EPN2: variants seen among roughly 807,000 people sequenced by gnomAD.
EPN2 encodes the protein epsin 2.
Under a neutral mutation model 61.7 loss-of-function variants are expected in EPN2, and 34 were observed. That is an observed-to-expected ratio of 0.55 (90% CI 0.42 to 0.73). EPN2 has a LOEUF of 0.73. Ranked by LOEUF, EPN2 falls within the 30% of genes least tolerant of loss-of-function variation. The probability of loss-of-function intolerance (pLI) is 0.00; values close to 1 mark genes in which losing one functional copy is unlikely to be tolerated. For synonymous variants in EPN2, 349 were observed against 353.6 expected (o/e 0.99, Z 0.15); for missense variants, 714 against 839.2 (o/e 0.85, Z 1.84).
intron 4 of EPN2, among the ~76,000 whole-genome samples, chr17:19,286,973 A>T (rs2045411393): frequency 6.6e-6 from 1 of 152,178 alleles, no homozygotes; most frequent in African/African-American, 2.4e-5. Flanking sequence ...GGAACTCTCC[A>T]TGGAGTTCCC....
intron 4 of EPN2, among the ~76,000 whole-genome samples, chr17:19,286,430 A>G (rs2045405644): frequency 6.6e-6 from 1 of 152,160 alleles, no homozygotes; most frequent in Non-Finnish European, 1.5e-5. Context: ...CTTTCTACTA[A>G]TTAATAATGT....
intron 1 of EPN2, among the ~76,000 whole-genome samples, chr17:19,252,435 A>T: frequency 6.6e-6 from 1 of 152,168 alleles, no homozygotes; most frequent in East Asian, 1.9e-4. Context: ...AGAAAAATAG[A>T]ATAATTTAGT....
intron 1 of EPN2, among the ~76,000 whole-genome samples, chr17:19,248,621 T>C (rs991327143): frequency 3.3e-5 from 5 of 152,244 alleles, no homozygotes; most frequent in Admixed American, 2.6e-4. Flanking sequence ...TAATATATGG[T>C]ATTTCAGTCA....
intron 1 of EPN2, among the ~76,000 whole-genome samples, chr17:19,244,082 G>A (rs919872255): frequency 7.8e-4 from 119 of 152,338 alleles, no homozygotes; most frequent in African/African-American, 2.7e-3. Flanking sequence ...CTTCAAAAAG[G>A]CTGTAAATCT....
In EPN2 at chr17:19,334,377, T is replaced by G. The variant is rs897587021; in HGVS notation, c.*123T>G. The G allele has an allele frequency of 5.1e-6, 4 of 777,426 alleles. No individual in the cohort carries two copies. In the African/African-American group the frequency reaches 5.4e-5, roughly 10 times the overall value. 48.2% of individuals were successfully genotyped at this position (777,426 alleles called of 1,614,324 possible). A position where few individuals can be genotyped will look rare whatever the true frequency, so the allele number is the denominator to read the frequency against. ...GTATTAGGGCTTTTCAGCTCCAGCT[T>G]CCTGATGAAAGGGCTGTCTTTACAG... On this transcript the variant is annotated 3_prime_UTR_variant, in exon 11 of 11. Transcript: ENST00000314728. This position sits in a 1 kb window ranked among gnomAD's most constrained non-coding sequence, Gnocchi z 4.9.
intron 1 of EPN2, chr17:19,273,919 A>G (rs2045281011): frequency 6.6e-6 from 1 of 152,248 alleles, no homozygotes; most frequent in Non-Finnish European, 1.5e-5. Context: ...AAAAGAATGT[A>G]GCACTGTCCA....
At chr17:19,308,467 A>G (rs1484388588) in intron 4 of EPN2, 3 of 985,370 alleles carry the variant, frequency 3.0e-6, no homozygotes, top group Non-Finnish European at 3.6e-6. Context: ...CTGTGCATGC[A>G]TGTAAGCCTC....
At chr17:19,312,260 A>G in intron 6 of EPN2, 116 bp downstream of exon 6, 1 of 747,248 alleles carries the variant, frequency 1.3e-6, no homozygotes. Context: ...AACCTCAGCA[A>G]ATAACCTTCA....
intron 4 of EPN2, among the ~76,000 whole-genome samples, chr17:19,296,393 C>T (rs1350676563): frequency 6.6e-6 from 1 of 152,040 alleles, no homozygotes; most frequent in African/African-American, 2.4e-5. Context: ...TCAGGTGATC[C>T]ACCCACCTCT....
rs545338946 is a variant in EPN2, at chr17:19,329,474, G to C, written c.1325-87G>C. The stretch of plus-strand genomic sequence containing the variant: ...AAGCGGGGAGAGGCCCCTGTTGCCA[G>C]CCCATCCTGAGGGTGTGCACTGGGC... On this transcript the variant is annotated intron_variant, in intron 8 of 10. Transcript: ENST00000314728. 6.2e-5 allele frequency: 47 copies of C among 757,856 alleles called. 2 individuals carry two copies. The South Asian group carries it at 7.9e-4, about 13-fold the overall frequency. 46.9% of individuals were successfully genotyped at this position (757,856 alleles called of 1,614,324 possible). A position where few individuals can be genotyped will look rare whatever the true frequency, so the allele number is the denominator to read the frequency against.
In EPN2 at chr17:19,336,277, T is replaced by C. The variant is rs1226725756; in HGVS notation, c.*2023T>C. 6.6e-6 allele frequency: 1 copy of C among 152,296 alleles called. No homozygotes were observed. Among genetic ancestry groups the C allele is most frequent in the Non-Finnish European group, 1.5e-5 (1 of 68,166 alleles). 9.4% of individuals were successfully genotyped at this position (152,296 alleles called of 1,614,324 possible). ...GGAAGGGTGGGGAGGTGCAATGGGA[T>C]GGGAGGCAGGATGCTTGCCCAGAAA... On this transcript the variant is annotated 3_prime_UTR_variant, in exon 11 of 11. Coordinates refer to ENST00000314728, the MANE Select transcript of EPN2 (RefSeq NM_014964.5).
chr17:19,255,312 A>G (rs1198011964), intron 1 of EPN2, among the ~76,000 whole-genome samples: 1 of 152,086 alleles, frequency 6.6e-6, no homozygotes, highest in Non-Finnish European at 1.5e-5. Flanking sequence ...TCTGGCCACT[A>G]GGAAGCTCAG....
At chr17:19,272,597 G>T (rs1416890846) in intron 1 of EPN2, among the ~76,000 whole-genome samples, 2 of 152,158 alleles carry the variant, frequency 1.3e-5, no homozygotes, top group African/African-American at 2.4e-5. Flanking sequence ...CTACAGAGCG[G>T]TCGCAGCATT....
Position 19,285,914 on chromosome 17 carries a change from G to A in EPN2, c.766+124G>A. On this transcript the variant is annotated intron_variant, in intron 4 of 10. Coordinates refer to ENST00000314728, the MANE Select transcript of EPN2 (RefSeq NM_014964.5). This position sits in a 1 kb window ranked among gnomAD's most constrained non-coding sequence, Gnocchi z 4.5. The stretch of plus-strand genomic sequence containing the variant: ...TCTGGGCCTGGGGGTTTGGCCTCCA[G>A]CAGGCCCAGGAGCCCTTTCTTCCTC... 1 of 1,401,758 alleles carries A rather than the reference G, an allele frequency of 7.1e-7. No homozygotes were observed. Among genetic ancestry groups the A allele is most frequent in the Non-Finnish European group, 9.3e-7 (1 of 1,072,364 alleles). 86.8% of individuals were successfully genotyped at this position (1,401,758 alleles called of 1,614,324 possible).
chr17:19,245,474 G>A (rs1209105030), intron 1 of EPN2, among the ~76,000 whole-genome samples: 11 of 138,946 alleles, frequency 7.9e-5, no homozygotes, highest in Non-Finnish European at 1.5e-4. Flanking sequence ...GTGCAGTGGC[G>A]GGATCTCAGC....
At chr17:19,243,776 T>A (rs1315009207) in intron 1 of EPN2, among the ~76,000 whole-genome samples, 2 of 152,158 alleles carry the variant, frequency 1.3e-5, no homozygotes, top group African/African-American at 2.4e-5. Context: ...TGACCTCAAG[T>A]GATCCGCTTG....
intron 4 of EPN2, among the ~76,000 whole-genome samples, chr17:19,290,765 T>C (rs2045456784): frequency 6.6e-6 from 1 of 151,602 alleles, no homozygotes; most frequent in Admixed American, 6.6e-5. Context: ...TTCATTGCTT[T>C]CTGATTCACT....
intron 6 of EPN2, 40 bp from the exon 7 acceptor site, chr17:19,313,065 T>C (rs376635295): frequency 2.5e-6 from 4 of 1,597,190 alleles, no homozygotes; most frequent in Non-Finnish European, 2.6e-6. Flanking sequence ...GCTGTAACTG[T>C]AGCATAGTAA....
At chr17:19,311,807 A>G (rs1369762977) in intron 5 of EPN2, among the ~76,000 whole-genome samples, 1 of 152,242 alleles carries the variant, frequency 6.6e-6, no homozygotes, top group East Asian at 1.9e-4. Flanking sequence ...GTTTGGTGGT[A>G]CCTGAGCCAT....
Sources: gnomAD v4.1 joint callset for allele counts (sites outside exome capture counted in the v4.1 genomes callset) on GRCh38, gnomAD v4.1.1 for gene constraint, Gnocchi (gnomAD v3.1) non-coding constraint, MANE v1.5 for transcripts, NCBI Gene and HGNC (gene_info 2026-07-23, HGNC 2026-07-21) for gene names.